Variants in MOSPD1 observed in about 807,000 individuals in gnomAD.
MOSPD1 encodes the protein motile sperm domain containing 1, also known as motile sperm domain-containing protein 1.
MOSPD1 carries 5 observed loss-of-function variants against 16.7 expected under a neutral mutation model. The observed-to-expected ratio is 0.30, with a 90% CI of 0.16 to 0.63. The LOEUF (loss-of-function observed/expected upper bound fraction) is 0.63. Among genes scored for constraint, MOSPD1 ranks in the 30% least tolerant of loss-of-function variants. The probability of loss-of-function intolerance (pLI) is 0.82; values close to 1 mark genes in which losing one functional copy is unlikely to be tolerated. For synonymous variants in MOSPD1, 67 were observed against 59.2 expected, an observed-to-expected ratio of 1.13 and a Z score of -0.61; for missense variants, 104 against 153.6, an observed-to-expected ratio of 0.68 and a Z score of 1.71.
chrX:134,888,696 C>T lies in MOSPD1; in HGVS notation c.*465G>A, dbSNP rs1376525231. 1 of 111,703 alleles carries T rather than the reference C, an allele frequency of 9.0e-6. No homozygotes were observed. The highest frequency in any genetic ancestry group is 1.9e-5 in the Non-Finnish European group (1 of 53,213). The allele number at this position is 111,703 out of a possible 1,213,427, so 9.2% of individuals were successfully genotyped here. On this transcript the variant is annotated 3_prime_UTR_variant, in exon 6 of 6. Coordinates refer to ENST00000370783, the MANE Select transcript of MOSPD1 (RefSeq NM_019556.3). ...GGTAAAACACTTATTTTTAGAAACA[C>T]CATGGCAACCATTTATAATGATAGA...
At chrX:134,892,615 G>C (rs2082867403) in intron 4 of MOSPD1, among the ~76,000 whole-genome samples, 1 of 112,335 alleles carries the variant, frequency 8.9e-6, no homozygotes, top group South Asian at 3.7e-4. Flanking sequence ...TTTTAAAAAA[G>C]GCTGGGCACG....
At chrX:134,903,711 CAAA>C (rs772831491) in intron 1 of MOSPD1, among the ~76,000 whole-genome samples, 1 of 54,968 alleles carries the variant, frequency 1.8e-5, no homozygotes. Context: ...GACTCCATCT[CAAA>C]AAAAAAAAAA....
intron 1 of MOSPD1, among the ~76,000 whole-genome samples, chrX:134,912,619 T>A (rs1251987152): frequency 3.8e-5 from 4 of 105,542 alleles, no homozygotes; most frequent in Admixed American, 3.1e-4. Context: ...GGACCACAGG[T>A]GCCAAGCCAC....
At chrX:134,913,856 T>C (rs2082985134) in intron 1 of MOSPD1, among the ~76,000 whole-genome samples, 1 of 112,060 alleles carries the variant, frequency 8.9e-6, no homozygotes, top group Non-Finnish European at 1.9e-5. Context: ...TCTCGCATCC[T>C]GATTGGGTAT....
At chrX:134,895,931 G>A (rs1346319343) in intron 4 of MOSPD1, among the ~76,000 whole-genome samples, 4 of 111,379 alleles carry the variant, frequency 3.6e-5, no homozygotes, top group Non-Finnish European at 7.5e-5. Context: ...GTAAATCAAA[G>A]AGGCACTACT....
chrX:134,890,527 G>A (rs781675498), intron 5 of MOSPD1, among the ~76,000 whole-genome samples: 34 of 110,779 alleles, frequency 3.1e-4, no homozygotes, highest in Non-Finnish European at 3.8e-4. Context: ...AAGAGAGAGC[G>A]GCCAGGTGTG....
At chrX:134,896,291 A>G (rs1393935854) in intron 4 of MOSPD1, among the ~76,000 whole-genome samples, 1 of 111,744 alleles carries the variant, frequency 8.9e-6, no homozygotes. Flanking sequence ...GAGGGATTCA[A>G]TTAATAGCCC....
At chrX:134,902,918 A>G (rs2082919624) in intron 1 of MOSPD1, among the ~76,000 whole-genome samples, 1 of 110,255 alleles carries the variant, frequency 9.1e-6, no homozygotes, top group Non-Finnish European at 1.9e-5. Context: ...AAATAATTCT[A>G]ATTTTGCATT....
intron 3 of MOSPD1, 23 bp from the exon 4 acceptor site, chrX:134,897,057 AT>A: frequency 9.1e-7 from 1 of 1,102,739 alleles, no homozygotes; most frequent in Non-Finnish European, 1.2e-6. Flanking sequence ...AAAATAACAA[AT>A]GCTGTTTAGA....
Position 134,888,861 on chromosome X carries a change from GA to G in MOSPD1, c.*299del. On this transcript the variant is annotated 3_prime_UTR_variant, in exon 6 of 6. Transcript: ENST00000370783. Reference sequence around the variant, plus strand: ...GACCCCTAGCAATCAAAGTGAATTAGAAAAAAAGGTGAGAAAATAACAAATG... The same window carrying G: ...GACCCCTAGCAATCAAAGTGAATTAGAAAAAAGGTGAGAAAATAACAAATG... The G allele has an allele frequency of 3.0e-5, 4 of 134,047 alleles. No homozygotes were observed. Among genetic ancestry groups the G allele is most frequent in the Non-Finnish European group, 4.4e-5 (3 of 67,454 alleles). The allele number at this position is 134,047 out of a possible 1,213,427, so 11.0% of individuals were successfully genotyped here.
At chrX:134,896,747 G>T in intron 4 of MOSPD1, 70 bp downstream of exon 4, 1 of 804,903 alleles carries the variant, frequency 1.2e-6, no homozygotes, top group Non-Finnish European at 1.8e-6. Flanking sequence ...ATTATTCTTA[G>T]CTGCCTGATT....
At chrX:134,901,482 T>C (rs781708753) in intron 1 of MOSPD1, among the ~76,000 whole-genome samples, 1 of 110,602 alleles carries the variant, frequency 9.0e-6, no homozygotes, top group South Asian at 3.9e-4. Flanking sequence ...AGCCCCCGTC[T>C]CTACTAAAAA....
At chrX:134,906,779 G>GAGTT (rs762173944) in intron 1 of MOSPD1, among the ~76,000 whole-genome samples, 7 of 111,874 alleles carry the variant, frequency 6.3e-5, no homozygotes, top group Non-Finnish European at 1.3e-4. Flanking sequence ...CACCAAGTCA[G>GAGTT]AGTTAGTTGG....
In MOSPD1 at chrX:134,888,329, T is replaced by C. The variant is rs1293042624; in HGVS notation, c.*832A>G. The C allele has an allele frequency of 8.9e-6, 1 of 112,128 alleles. No homozygotes were observed. The highest frequency in any genetic ancestry group is 3.2e-5 in the African/African-American group (1 of 30,823). The allele number at this position is 112,128 out of a possible 1,213,427, so 9.2% of individuals were successfully genotyped here. On this transcript the variant is annotated 3_prime_UTR_variant, in exon 6 of 6. Coordinates refer to ENST00000370783, the MANE Select transcript of MOSPD1 (RefSeq NM_019556.3). ...ATCTCCACATAAATCACCTGGTATCTGGTAATCCCAGTCTGGGTAAGTCAG... is the reference window on the plus strand; with the variant it reads ...ATCTCCACATAAATCACCTGGTATCCGGTAATCCCAGTCTGGGTAAGTCAG...
At chrX:134,889,691 T>TA (rs34324403) in intron 5 of MOSPD1, among the ~76,000 whole-genome samples, 185 of 107,472 alleles carry the variant, frequency 1.7e-3, no homozygotes, top group Non-Finnish European at 2.1e-3. Flanking sequence ...GAAAGTGTGA[T>TA]AAAAAAAAAG....
chrX:134,892,780 T>C (rs2082868239), intron 4 of MOSPD1, among the ~76,000 whole-genome samples: 1 of 110,590 alleles, frequency 9.0e-6, no homozygotes, highest in Non-Finnish European at 1.9e-5. Flanking sequence ...TAGTCCCAGC[T>C]ACTCAGGAGG....
intron 1 of MOSPD1, among the ~76,000 whole-genome samples, chrX:134,912,205 C>T (rs1349572250): frequency 9.0e-6 from 1 of 111,702 alleles, no homozygotes; most frequent in Non-Finnish European, 1.9e-5. Flanking sequence ...ATGCGCCCCA[C>T]GCCTGCCTAA....
At chrX:134,907,593 A>T (rs1290119220) in intron 1 of MOSPD1, among the ~76,000 whole-genome samples, 2 of 112,113 alleles carry the variant, frequency 1.8e-5, no homozygotes, top group Non-Finnish European at 3.8e-5. Context: ...GGCTGGGCAC[A>T]GTGGCTCACG....
chrX:134,906,085 G>A (rs1351322276), intron 1 of MOSPD1, among the ~76,000 whole-genome samples: 1 of 110,128 alleles, frequency 9.1e-6, no homozygotes, highest in Non-Finnish European at 1.9e-5. Context: ...TCACGAATAG[G>A]CTATCTCCTT....
Sources: allele counts gnomAD v4.1 joint callset (sites outside exome capture counted in the v4.1 genomes callset), GRCh38; gene constraint gnomAD v4.1.1; transcripts MANE v1.5; gene names NCBI Gene and HGNC (gene_info 2026-07-23, HGNC 2026-07-21).